Variants in KCNC1 observed in about 807,000 individuals in gnomAD.
KCNC1 encodes the protein potassium voltage-gated channel subfamily C member 1, also known as voltage-gated potassium channel KCNC1.
A neutral mutation model predicts 43.4 loss-of-function variants in KCNC1; 8 were observed. The observed-to-expected ratio is 0.18, with a 90% confidence interval of 0.11 to 0.33. The LOEUF (loss-of-function observed/expected upper bound fraction) is 0.33. Ranked by LOEUF, KCNC1 falls within the 10% of genes least tolerant of loss-of-function variation. The pLI is 1.00. For synonymous variants in KCNC1, 361 were observed against 360.5 expected, an observed-to-expected ratio of 1.00 and a Z score of -0.01; for missense variants, 420 against 836.0, an observed-to-expected ratio of 0.50 and a Z score of 6.14.
intron 1 of KCNC1, among the ~76,000 whole-genome samples, chr11:17,751,687 A>G (rs1848970237): frequency 6.6e-6 from 1 of 152,238 alleles, no homozygotes; most frequent in African/African-American, 2.4e-5. Context: ...CTGATGGCAG[A>G]GAACCAGGAC....
rs1227414275 is a variant in KCNC1 at position 17,742,862 on chromosome 11, C to G, written c.570+6290C>G. Among the ~76,000 whole-genome samples, 1 of 152,144 alleles carries G rather than the reference C, an allele frequency of 6.6e-6. No homozygotes were observed. Among genetic ancestry groups the G allele is most frequent in the East Asian group, 1.9e-4 (1 of 5,194 alleles). ...TTGGCTCTCAGTTTTACAAGAACACCAAACCCCACCTGGGCGTGCTGTTCT... is the reference window on the plus strand; with the variant it reads ...TTGGCTCTCAGTTTTACAAGAACACGAAACCCCACCTGGGCGTGCTGTTCT... On this transcript the variant is annotated intron_variant, in intron 1 of 3. Transcript: ENST00000265969. This position sits in a 1 kb window ranked among gnomAD's most constrained non-coding sequence, Gnocchi z 4.2.
intron 1 of KCNC1, among the ~76,000 whole-genome samples, chr11:17,757,822 A>G (rs1000056233): frequency 6.6e-6 from 1 of 152,256 alleles, no homozygotes. Flanking sequence ...AAATGCTAAC[A>G]ATCATATGAG....
chr11:17,768,806 G>T (rs1310493893), intron 1 of KCNC1, among the ~76,000 whole-genome samples: 1 of 152,192 alleles, frequency 6.6e-6, no homozygotes, highest in Non-Finnish European at 1.5e-5. Flanking sequence ...CAGCTGGGGG[G>T]CCTGCCCTGC....
chr11:17,763,410 C>T (rs186577914), intron 1 of KCNC1, among the ~76,000 whole-genome samples: 15 of 152,066 alleles, frequency 9.9e-5, no homozygotes, highest in Non-Finnish European at 1.9e-4. Context: ...TCAGAGAACA[C>T]GTGCCCAGAG....
Position 17,772,019 on chromosome 11 carries a change from T to G in KCNC1, c.925T>G (p.Phe309Val), listed in dbSNP as rs1346011894. Residue 309 changes from phenylalanine to valine, a missense_variant, in exon 2 of 4, where the codon TTC becomes GTC. Phe to Val is a conservative substitution (Grantham distance 50). Coordinates refer to ENST00000265969, the MANE Select transcript of KCNC1 (RefSeq NM_001112741.2). ...SSKAAKDVLGFLRVVRFVRIL... is the reference protein window; with the variant it reads ...SSKAAKDVLGVLRVVRFVRIL... The stretch of plus-strand genomic sequence containing the variant: ...CAAGGCAGCCAAGGACGTGCTGGGC[T>G]TCCTGCGCGTCGTCCGCTTCGTGCG... 1 of 1,613,786 alleles carries G rather than the reference T, an allele frequency of 6.2e-7. No homozygotes were observed. Among genetic ancestry groups the G allele is most frequent in the Admixed American group, 1.7e-5 (1 of 60,026 alleles).
At chr11:17,749,658 G>A (rs1368383717) in intron 1 of KCNC1, among the ~76,000 whole-genome samples, 1 of 152,220 alleles carries the variant, frequency 6.6e-6, no homozygotes, top group Non-Finnish European at 1.5e-5. Context: ...TGGGCCACCT[G>A]GAGTGAGCTG....
At position 17,747,724 on chromosome 11, in the gene KCNC1, G is replaced by A. The variant is rs540107611; in HGVS notation, c.570+11152G>A. 5.5e-4 allele frequency among the ~76,000 whole-genome samples: 83 copies of A among 152,192 alleles called. 1 individual carries two copies. The highest frequency in any genetic ancestry group is 8.5e-4 in the Non-Finnish European group (58 of 68,026). The stretch of plus-strand genomic sequence containing the variant: ...CAGCCTCGCTGGGTCAGGCTCAGAT[G>A]CTGCCTCAGTGTGAGCCATGGCAGC... On this transcript the variant is annotated intron_variant, in intron 1 of 3. Coordinates refer to ENST00000265969, the MANE Select transcript of KCNC1 (RefSeq NM_001112741.2).
chr11:17,759,891 G>A (rs1297076749), intron 1 of KCNC1, among the ~76,000 whole-genome samples: 1 of 152,150 alleles, frequency 6.6e-6, no homozygotes, highest in Non-Finnish European at 1.5e-5. Flanking sequence ...AGCATATGCT[G>A]TTGGAAAAAT....
In KCNC1 at chr11:17,779,380, G is replaced by A. The variant is rs1007163208; in HGVS notation, c.1505-76G>A. The A allele has an allele frequency of 2.3e-5, 28 of 1,225,668 alleles. No homozygotes were observed. The highest frequency in any genetic ancestry group is 2.8e-5 in the Non-Finnish European group (26 of 923,306). The allele number at this position is 1,225,668 out of a possible 1,614,324, so 75.9% of individuals were successfully genotyped here. On this transcript the variant is annotated intron_variant, in intron 2 of 3. Coordinates refer to ENST00000265969, the MANE Select transcript of KCNC1 (RefSeq NM_001112741.2). This position sits in a 1 kb window ranked among gnomAD's most constrained non-coding sequence, Gnocchi z 7.2. ...TCAAGCTGCCCTCTGCCAATACCCC[G>A]CTTCTGGCCTGTCCCCCCCTGCCCC...
chr11:17,737,040 T>C (rs7926805), intron 1 of KCNC1, among the ~76,000 whole-genome samples: 47,494 of 152,072 alleles, frequency 0.31, 9,144 homozygotes, highest in African/African-American at 0.54. Flanking sequence ...CCTGTCCAGG[T>C]AAAGGCGCAT....
chr11:17,774,670 G>A (rs1471389803), intron 2 of KCNC1: 9 of 985,366 alleles, frequency 9.1e-6, no homozygotes, highest in African/African-American at 1.7e-5. Context: ...ACTTTGCCCT[G>A]GTCCCAGGTT....
intron 1 of KCNC1, among the ~76,000 whole-genome samples, chr11:17,770,343 G>A (rs1174664827): frequency 1.3e-5 from 2 of 152,236 alleles, no homozygotes; most frequent in Admixed American, 6.5e-5. Flanking sequence ...GCAGGGAGAA[G>A]GGGGACCCAA....
chr11:17,744,333 C>T (rs953214112), intron 1 of KCNC1, among the ~76,000 whole-genome samples: 5 of 152,164 alleles, frequency 3.3e-5, no homozygotes, highest in Non-Finnish European at 7.3e-5. Flanking sequence ...CCCCAGGGCA[C>T]GTGTGAGCAA....
chr11:17,780,353 C>G (rs775633124), intron 3 of KCNC1: 7 of 152,590 alleles, frequency 4.6e-5, no homozygotes, highest in Non-Finnish European at 8.8e-5. Context: ...GCTGGTGGCC[C>G]CTGCTCCAGG....
chr11:17,751,472 C>T (rs537365638), intron 1 of KCNC1, among the ~76,000 whole-genome samples: 1 of 152,328 alleles, frequency 6.6e-6, no homozygotes, highest in East Asian at 1.9e-4. Context: ...GAAGTCCCAC[C>T]TCTCACAGGA....
At position 17,739,387 on chromosome 11, in the gene KCNC1, G is replaced by C. The variant is rs1423562295; in HGVS notation, c.570+2815G>C. ...CGTGTGTGTGTGTGTGTGTGTGTGTGTGTGTGTGTGTGGTGAGACTGCGAC... is the reference window on the plus strand; with the variant it reads ...CGTGTGTGTGTGTGTGTGTGTGTGTCTGTGTGTGTGTGGTGAGACTGCGAC... On this transcript the variant is annotated intron_variant, in intron 1 of 3. Coordinates refer to ENST00000265969, the MANE Select transcript of KCNC1 (RefSeq NM_001112741.2). This position sits in a 1 kb window ranked among gnomAD's most constrained non-coding sequence, Gnocchi z 4.2. 1.1e-5 allele frequency among the ~76,000 whole-genome samples: 1 copy of C among 92,306 alleles called. No homozygotes were observed. The highest frequency in any genetic ancestry group is 2.8e-5 in the Non-Finnish European group (1 of 36,146). The allele number at this position is 92,306 out of a possible 152,430, so 60.6% of individuals were successfully genotyped here.
chr11:17,739,194 G>C lies in KCNC1; in HGVS notation c.570+2622G>C, dbSNP rs970001637. Among the ~76,000 whole-genome samples the C allele has an allele frequency of 1.3e-5, 2 of 152,156 alleles. No homozygotes were observed. The highest frequency in any genetic ancestry group is 4.8e-5 in the African/African-American group (2 of 41,418). ...GGGCCCCGAGACTCCTCACACCAGC[G>C]GGTCGGGACTTAAGTCGTTATTCTA... On this transcript the variant is annotated intron_variant, in intron 1 of 3. Coordinates refer to ENST00000265969, the MANE Select transcript of KCNC1 (RefSeq NM_001112741.2). This position sits in a 1 kb window ranked among gnomAD's most constrained non-coding sequence, Gnocchi z 4.2.
At chr11:17,749,349 G>A (rs961708482) in intron 1 of KCNC1, among the ~76,000 whole-genome samples, 4 of 152,236 alleles carry the variant, frequency 2.6e-5, no homozygotes, top group African/African-American at 9.6e-5. Flanking sequence ...GCAGACACTC[G>A]CCTCACCCCA....
At chr11:17,743,197 TTAAG>T (rs1318876593) in intron 1 of KCNC1, among the ~76,000 whole-genome samples, 87 of 152,350 alleles carry the variant, frequency 5.7e-4, no homozygotes, top group Non-Finnish European at 5.4e-4. Context: ...CTCAATGAAG[TTAAG>T]TAACTTACCC....
Sources: allele counts gnomAD v4.1 joint callset (sites outside exome capture counted in the v4.1 genomes callset), GRCh38; gene constraint gnomAD v4.1.1; non-coding constraint Gnocchi (gnomAD v3.1); transcripts MANE v1.5; gene names NCBI Gene and HGNC (gene_info 2026-07-23, HGNC 2026-07-21).